Variants in PIP5K1B observed in about 807,000 individuals in gnomAD.
PIP5K1B encodes the protein phosphatidylinositol-4-phosphate 5-kinase type 1 beta, also known as phosphatidylinositol 4-phosphate 5-kinase type-1 beta.
In PIP5K1B, 42 loss-of-function variants were observed where a neutral mutation model predicts 67.0. That is an observed-to-expected ratio of 0.63 (90% CI 0.49 to 0.81). PIP5K1B has a LOEUF of 0.81. Ranked by LOEUF, PIP5K1B falls within the 30% of genes least tolerant of loss-of-function variation. The pLI, the probability that PIP5K1B is intolerant of heterozygous loss-of-function variation, is 0.00. For missense variants in PIP5K1B, 459 were observed against 646.3 expected (o/e 0.71, Z 3.14); for synonymous variants, 214 against 231.4 (o/e 0.92, Z 0.68).
chr9:68,805,038 G>A (rs1832794044), intron 2 of PIP5K1B, among the ~76,000 whole-genome samples: 1 of 152,208 alleles, frequency 6.6e-6, no homozygotes, highest in African/African-American at 2.4e-5. Context: ...CACAGCAGAT[G>A]AAGCATTGCA....
chr9:68,935,429 T>A (rs560127056), intron 13 of PIP5K1B, among the ~76,000 whole-genome samples: 3 of 152,104 alleles, frequency 2.0e-5, no homozygotes, highest in East Asian at 3.9e-4. Context: ...GATTGCACCA[T>A]TGCATTCCAG....
In PIP5K1B at chr9:68,878,013, CTGTGTGTG is replaced by C. The variant is rs35871698; in HGVS notation, c.318+1253_318+1260del. Among the ~76,000 whole-genome samples the C allele has an allele frequency of 2.4e-3, 335 of 142,086 alleles. 4 individuals are homozygous for C. The South Asian group carries it at 0.043, about 18-fold the overall frequency. 93.2% of individuals were successfully genotyped at this position (142,086 alleles called of 152,430 possible). On this transcript the variant is annotated intron_variant, in intron 6 of 15. Transcript: ENST00000265382. ...AAGTACACAAGCACACGCATTTGTT[CTGTGTGTG>C]TGTGTGTGTGTGTGTGTGTGTGTGT...
chr9:68,716,853 T>G (rs769541101), intron 1 of PIP5K1B, among the ~76,000 whole-genome samples: 2 of 152,152 alleles, frequency 1.3e-5, no homozygotes, highest in Non-Finnish European at 2.9e-5. Flanking sequence ...TGACCATCAA[T>G]GATGGATTGG....
At chr9:68,924,263 G>A (rs1382981433) in intron 12 of PIP5K1B, among the ~76,000 whole-genome samples, 3 of 151,568 alleles carry the variant, frequency 2.0e-5, no homozygotes, top group South Asian at 4.2e-4. Context: ...TTAGCCAGAC[G>A]TCGTGGTATG....
chr9:68,779,922 T>C lies in PIP5K1B; in HGVS notation c.-86+37265T>C, dbSNP rs530397849. On this transcript the variant is annotated intron_variant, in intron 2 of 15. Transcript: ENST00000265382. ...TCAATAGCTATTTGCCGAAGGAATA[T>C]ACGGACTAGCGGCCCGACCACTCCT... 35 of 462,190 alleles carry C rather than the reference T, an allele frequency of 7.6e-5. 1 individual carries two copies. In the South Asian group the frequency reaches 8.9e-4, roughly 12 times the overall value. The allele number at this position is 462,190 out of a possible 1,614,324, so 28.6% of individuals were successfully genotyped here.
intron 1 of PIP5K1B, among the ~76,000 whole-genome samples, chr9:68,706,870 G>A (rs529996682): frequency 3.2e-4 from 48 of 152,300 alleles, no homozygotes; most frequent in African/African-American, 1.1e-3. Context: ...GTTCTGCGAA[G>A]AGACTGAAGC....
At chr9:68,830,991 T>G (rs1834284923) in intron 4 of PIP5K1B, among the ~76,000 whole-genome samples, 1 of 152,216 alleles carries the variant, frequency 6.6e-6, no homozygotes, top group South Asian at 2.1e-4. Context: ...AAAGAGATTT[T>G]TTTTAAGGTG....
chr9:68,730,286 A>T (rs902717371), intron 1 of PIP5K1B, among the ~76,000 whole-genome samples: 1 of 152,234 alleles, frequency 6.6e-6, no homozygotes, highest in Non-Finnish European at 1.5e-5. Flanking sequence ...GAGGTATATC[A>T]TAGGATATAG....
intron 15 of PIP5K1B, among the ~76,000 whole-genome samples, chr9:68,995,416 GA>G (rs1830561479): frequency 6.6e-6 from 1 of 152,148 alleles, no homozygotes; most frequent in African/African-American, 2.4e-5. Flanking sequence ...TTTCATGCTG[GA>G]AAATTTTATT....
At chr9:68,943,118 G>A (rs556002762) in intron 14 of PIP5K1B, among the ~76,000 whole-genome samples, 7 of 152,126 alleles carry the variant, frequency 4.6e-5, no homozygotes, top group African/African-American at 9.7e-5. Flanking sequence ...AAACAACTTC[G>A]CTAAAATACC....
At chr9:68,957,700 C>T (rs1828474151) in intron 14 of PIP5K1B, among the ~76,000 whole-genome samples, 1 of 152,108 alleles carries the variant, frequency 6.6e-6, no homozygotes, top group African/African-American at 2.4e-5. Context: ...GTCCCTGTGT[C>T]TTCAGAGATA....
At chr9:68,754,315 G>A (rs1446530879) in intron 2 of PIP5K1B, among the ~76,000 whole-genome samples, 3 of 151,496 alleles carry the variant, frequency 2.0e-5, no homozygotes, top group Non-Finnish European at 2.9e-5. Flanking sequence ...GACTACAGGC[G>A]CCCGCCACCA....
chr9:68,969,903 G>A (rs1829261680), intron 14 of PIP5K1B, among the ~76,000 whole-genome samples: 1 of 152,158 alleles, frequency 6.6e-6, no homozygotes, highest in African/African-American at 2.4e-5. Flanking sequence ...GGGTCTTAAT[G>A]GCTGTTCAAG....
chr9:68,950,893 C>T (rs538234464), intron 14 of PIP5K1B, among the ~76,000 whole-genome samples: 2 of 152,144 alleles, frequency 1.3e-5, no homozygotes, highest in African/African-American at 4.8e-5. Context: ...AGGAATTTCA[C>T]TGGGGAAGTC....
intron 4 of PIP5K1B, among the ~76,000 whole-genome samples, chr9:68,844,041 T>G (rs2132166848): frequency 6.6e-6 from 1 of 152,280 alleles, no homozygotes; most frequent in Middle Eastern, 3.4e-3. Context: ...TCAAGAAACA[T>G]GTAAGAGAAC....
intron 14 of PIP5K1B, among the ~76,000 whole-genome samples, chr9:68,983,431 C>T (rs1480149715): frequency 6.6e-6 from 1 of 152,110 alleles, no homozygotes; most frequent in Non-Finnish European, 1.5e-5. Context: ...GCTTCTGCTA[C>T]TCACTTCCTA....
intron 14 of PIP5K1B, among the ~76,000 whole-genome samples, chr9:68,968,715 A>ATT (rs1554749541): frequency 0.035 from 4,984 of 142,110 alleles, 124 homozygotes; most frequent in Middle Eastern, 0.047. Context: ...ATATATATAT[A>ATT]TTTTTTTTTT....
chr9:68,792,202 T>C (rs572313778), intron 2 of PIP5K1B, among the ~76,000 whole-genome samples: 1 of 152,302 alleles, frequency 6.6e-6, no homozygotes, highest in South Asian at 2.1e-4. Flanking sequence ...CATGCAAAAA[T>C]AGGGACTAAG....
At chr9:68,758,086 G>T (rs1003294821) in intron 2 of PIP5K1B, among the ~76,000 whole-genome samples, 1 of 152,134 alleles carries the variant, frequency 6.6e-6, no homozygotes, top group Non-Finnish European at 1.5e-5. Context: ...ACGGAAAGAG[G>T]TTTAGAACTT....
Sources: allele counts gnomAD v4.1 joint callset (sites outside exome capture counted in the v4.1 genomes callset), GRCh38; gene constraint gnomAD v4.1.1; transcripts MANE v1.5; gene names NCBI Gene and HGNC (gene_info 2026-07-23, HGNC 2026-07-21).